Variants in SYNE2 observed in about 807,000 individuals in gnomAD.
The protein encoded by SYNE2 is nesprin-2.
In SYNE2, 431 loss-of-function variants were observed where a neutral mutation model predicts 856.3. The observed-to-expected ratio is 0.50, with a 90% CI of 0.47 to 0.55. SYNE2 has a LOEUF of 0.55. Ranked by LOEUF, SYNE2 falls within the 20% of genes least tolerant of loss-of-function variation. The probability of loss-of-function intolerance (pLI) is 0.00; values close to 1 mark genes in which losing one functional copy is unlikely to be tolerated. For missense variants in SYNE2, 8,129 were observed against 8,023.2 expected, an observed-to-expected ratio of 1.01 and a Z score of -0.50; for synonymous variants, 2,923 against 2,872.3, an observed-to-expected ratio of 1.02 and a Z score of -0.56.
chr14:63,976,841 GT>G, intron 12 of SYNE2, 114 bp downstream of exon 12: 1 of 1,195,444 alleles, frequency 8.4e-7, no homozygotes, highest in Non-Finnish European at 1.2e-6. Flanking sequence ...TTTGAGGATG[GT>G]TTAGAATGAT....
chr14:64,030,718 T>C (rs1214129525), intron 44 of SYNE2, among the ~76,000 whole-genome samples: 1 of 152,236 alleles, frequency 6.6e-6, no homozygotes, highest in Non-Finnish European at 1.5e-5. Context: ...GTTTTGATTG[T>C]GTGACAAAGA....
In SYNE2 at chr14:64,150,291, CAAAAAAAAAAA is replaced by C. The variant is rs773488742; in HGVS notation, c.15640-2253_15640-2243del. 8.8e-3 allele frequency among the ~76,000 whole-genome samples: 315 copies of C among 35,642 alleles called. 4 individuals are homozygous for C. The highest frequency in any genetic ancestry group is 0.012 in the Non-Finnish European group (213 of 17,362). The allele number at this position is 35,642 out of a possible 152,430, so 23.4% of individuals were successfully genotyped here. A position where few individuals can be genotyped will look rare whatever the true frequency, so the allele number is the denominator to read the frequency against. ...TGGGTGACAGAGCAAGATTCTCTCT[CAAAAAAAAAAA>C]AAAAAAAAAAAAAAAAAAAGGATCC... is the stretch of plus-strand genomic sequence containing the variant. On this transcript the variant is annotated intron_variant, in intron 84 of 115. Transcript: ENST00000555002.
intron 1 of SYNE2, among the ~76,000 whole-genome samples, chr14:63,780,053 T>G (rs572719258): frequency 6.6e-6 from 1 of 152,208 alleles, no homozygotes; most frequent in African/African-American, 2.4e-5. Flanking sequence ...CCCAAGATCA[T>G]AGGACACATG....
intron 92 of SYNE2, 107 bp from the exon 93 acceptor site, chr14:64,168,770 T>C: frequency 1.3e-6 from 1 of 766,956 alleles, no homozygotes; most frequent in South Asian, 1.5e-5. Context: ...GAAAATTAAT[T>C]ATCCCTCATA....
At chr14:63,981,779 C>G (rs1203454286) in intron 16 of SYNE2, among the ~76,000 whole-genome samples, 2 of 151,980 alleles carry the variant, frequency 1.3e-5, no homozygotes, top group African/African-American at 4.8e-5. Context: ...TATAGATAGC[C>G]TTTCAGATTA....
At chr14:63,776,717 A>T (rs1462700759) in intron 1 of SYNE2, among the ~76,000 whole-genome samples, 1 of 149,284 alleles carries the variant, frequency 6.7e-6, no homozygotes, top group Non-Finnish European at 1.5e-5. Flanking sequence ...CTCCTGCCTC[A>T]GCCTCCCAGG....
chr14:64,007,322 A>G lies in SYNE2; in HGVS notation c.4577+100A>G, dbSNP rs551833820. On this transcript the variant is annotated intron_variant, in intron 31 of 115. Transcript: ENST00000555002. ...TTGAAAACACATCTCCGTGGACCCA[A>G]AGGAGGGACAAACATAAGGATTTCC... is the stretch of plus-strand genomic sequence containing the variant. The G allele has an allele frequency of 1.8e-5, 20 of 1,082,918 alleles. 1 individual carries two copies. The Admixed American group carries it at 2.8e-4, about 15-fold the overall frequency. The allele number at this position is 1,082,918 out of a possible 1,614,324, so 67.1% of individuals were successfully genotyped here.
chr14:63,781,666 C>A lies in SYNE2; in HGVS notation c.-305+19680C>A, dbSNP rs201655308. ...GAGATGGACCTTAGGCCTTCTCTCT[C>A]TCTATATATATATAAAGTTATATTT... On this transcript the variant is annotated intron_variant, in intron 1 of 23. Coordinates refer to the SYNE2 transcript ENST00000674003. 2.4e-4 allele frequency among the ~76,000 whole-genome samples: 25 copies of A among 106,338 alleles called. 1 individual carries two copies. The highest frequency in any genetic ancestry group is 5.3e-4 in the African/African-American group (20 of 37,634). The allele number at this position is 106,338 out of a possible 152,430, so 69.8% of individuals were successfully genotyped here. A position where few individuals can be genotyped will look rare whatever the true frequency, so the allele number is the denominator to read the frequency against.
Position 64,056,128 on chromosome 14 carries a change from T to C in SYNE2, c.9929T>C (p.Ile3310Thr), listed in dbSNP as rs1403798901. The change falls in exon 49 of 116, where the codon ATC becomes ACC. Residue 3310 changes from isoleucine to threonine, a missense_variant. Ile to Thr is a moderately conservative substitution (Grantham distance 89). This residue lies in a region of SYNE2 where 5,410 missense variants were observed against 5,284.8 expected (regional missense o/e 1.02). Coordinates refer to ENST00000555002, the MANE Select transcript of SYNE2 (RefSeq NM_182914.3). ...GAATTGGAATCCACAGTAGCACACA[T>C]CCAGGACCTCACTGAGAAACTGGGA... is the stretch of plus-strand genomic sequence containing the variant. ...QEELESTVAH[I>T]QDLTEKLGMI... 6.2e-7 allele frequency: 1 copy of C among 1,614,076 alleles called. No individual in the cohort carries two copies. The highest frequency in any genetic ancestry group is 1.7e-5 in the Admixed American group (1 of 60,002).
intron 1 of SYNE2, among the ~76,000 whole-genome samples, chr14:63,773,582 A>T (rs902174779): frequency 4.6e-5 from 7 of 152,124 alleles, no homozygotes; most frequent in Non-Finnish European, 1.0e-4. Flanking sequence ...TGGGGGTCTC[A>T]CTATGCTGCC....
chr14:63,936,078 T>C lies in SYNE2; in HGVS notation c.80-4536T>C, dbSNP rs954887384. On this transcript the variant is annotated intron_variant, in intron 2 of 115. Transcript: ENST00000555002. ...TTAATAGAGATGGGGTTTCACCATG[T>C]TGGCCACGCTGGTCTCGAACTTCTG... 4.6e-5 allele frequency among the ~76,000 whole-genome samples: 7 copies of C among 152,188 alleles called. No individual in the cohort carries two copies. The East Asian group carries it at 9.6e-4, about 21-fold the overall frequency.
chr14:63,924,066 C>T (rs2095631607), intron 2 of SYNE2, among the ~76,000 whole-genome samples: 1 of 152,116 alleles, frequency 6.6e-6, no homozygotes, highest in African/African-American at 2.4e-5. Flanking sequence ...CTCAGCCTCC[C>T]AAATGTTGGG....
In SYNE2 at chr14:63,986,621, T is replaced by C. The variant is rs2096627735; in HGVS notation, c.2313+4T>C. 6.2e-7 allele frequency: 1 copy of C among 1,614,014 alleles called. No homozygotes were observed. On this transcript the variant is annotated splice_donor_region_variant and intron_variant, in intron 19 of 115. Coordinates refer to ENST00000555002, the MANE Select transcript of SYNE2 (RefSeq NM_182914.3). ...CTCAATGGAAGAATCTTTGAAGGTA[T>C]GTGTGTAAAAGTATTAAGAGGGTAC...
In SYNE2 at chr14:63,991,133, CA is replaced by C; in HGVS notation, c.2646+19del. 1 of 1,613,122 alleles carries C rather than the reference CA, an allele frequency of 6.2e-7. No individual in the cohort carries two copies. The highest frequency in any genetic ancestry group is 8.5e-7 in the Non-Finnish European group (1 of 1,179,304). ...AACACAAGGTGGGAATCTTTTCAAC[CA>C]TCAAATGTAGGACATTATTGTTAAC... On this transcript the variant is annotated intron_variant, in intron 21 of 115. Transcript: ENST00000555002.
At chr14:63,956,502 C>T (rs1433547245) in intron 8 of SYNE2, 1 of 453,112 alleles carries the variant, frequency 2.2e-6, no homozygotes, top group Non-Finnish European at 4.4e-6. Flanking sequence ...CCAGCACACT[C>T]ACTGACCAGG....
chr14:64,177,461 A>G lies in SYNE2; in HGVS notation c.17534A>G (p.His5845Arg), dbSNP rs748958703. Reference protein sequence around the residue: ...DPLPELHEDLHNEKELIKELE... With the variant: ...DPLPELHEDLRNEKELIKELE... ...CTTCCAGAGCTTCACGAGGACCTCC[A>G]TAACGAAAAAGAGCTGATTAAGGTA... is the stretch of plus-strand genomic sequence containing the variant. Residue 5845 changes from histidine to arginine, a missense_variant, in exon 96 of 116, where the codon CAT (histidine) becomes CGT (arginine). His to Arg is a conservative substitution (Grantham distance 29). Around this residue, in one of 3 missense-constraint regions of SYNE2, gnomAD observed 5,410 missense variants for 5,284.8 expected, o/e 1.02. Transcript: ENST00000555002. 7 of 1,614,232 alleles carry G rather than the reference A, an allele frequency of 4.3e-6. No homozygotes were observed. Among genetic ancestry groups the G allele is most frequent in the Middle Eastern group, 1.6e-4 (1 of 6,062 alleles).
chr14:64,060,677 A>G (rs2097309838), intron 49 of SYNE2, among the ~76,000 whole-genome samples: 1 of 151,950 alleles, frequency 6.6e-6, no homozygotes, highest in Non-Finnish European at 1.5e-5. Flanking sequence ...ACATGCCCCA[A>G]CAAGTCCACT....
intron 44 of SYNE2, among the ~76,000 whole-genome samples, chr14:64,030,740 C>A (rs140397674): frequency 7.8e-4 from 119 of 152,292 alleles, no homozygotes; most frequent in African/African-American, 2.8e-3. Flanking sequence ...GTATCTTGAA[C>A]AAAACATATA....
chr14:63,965,456 G>A (rs1319121390), intron 10 of SYNE2, among the ~76,000 whole-genome samples: 2 of 152,200 alleles, frequency 1.3e-5, no homozygotes, highest in African/African-American at 2.4e-5. Flanking sequence ...CTGTTTTTAC[G>A]TTGTGATGCT....
Sources: allele counts gnomAD v4.1 joint callset (sites outside exome capture counted in the v4.1 genomes callset), GRCh38; gene constraint gnomAD v4.1.1; regional missense constraint gnomAD v4.1.1; transcripts MANE v1.5; gene names NCBI Gene and HGNC (gene_info 2026-07-23, HGNC 2026-07-21).